SNTG2: variants seen among roughly 807,000 people sequenced by gnomAD.
The protein encoded by SNTG2 is gamma-2-syntrophin.
A neutral mutation model predicts 70.9 loss-of-function variants in SNTG2; 74 were observed. The ratio of observed to expected loss-of-function variants is 1.04; its 90% CI spans 0.86 to 1.27. The LOEUF (loss-of-function observed/expected upper bound fraction) is 1.27. SNTG2 is among the 50% of genes most tolerant of loss of function. SNTG2 has a pLI of 0.00. For synonymous variants in SNTG2, 278 were observed against 273.8 expected (o/e 1.02, Z -0.15); for missense variants, 717 against 690.7 (o/e 1.04, Z -0.43).
chr2:1,203,562 G>A (rs74635075), intron 8 of SNTG2, among the ~76,000 whole-genome samples: 6,959 of 151,536 alleles, frequency 0.046, 272 homozygotes, highest in East Asian at 0.21. Context: ...GCTGGGGCAC[G>A]AGAATTGTTT....
At chr2:1,242,491 T>C (rs1677116077) in intron 11 of SNTG2, among the ~76,000 whole-genome samples, 1 of 152,294 alleles carries the variant, frequency 6.6e-6, no homozygotes, top group South Asian at 2.1e-4. Context: ...CCAAATAATT[T>C]ATCATACAAA....
At chr2:1,170,869 T>G (rs28693991) in intron 7 of SNTG2, among the ~76,000 whole-genome samples, 48,179 of 151,766 alleles carry the variant, frequency 0.32, 8,170 homozygotes, top group East Asian at 0.65. Context: ...GGATGCCGAC[T>G]ACTGGAATTG....
chr2:1,052,181 C>T (rs1662115570), intron 1 of SNTG2, among the ~76,000 whole-genome samples: 1 of 151,860 alleles, frequency 6.6e-6, no homozygotes, highest in Non-Finnish European at 1.5e-5. Context: ...TTTTTCTATT[C>T]TGTGGAAAAG....
At chr2:952,702 G>C (rs1434600884) in intron 1 of SNTG2, among the ~76,000 whole-genome samples, 1 of 152,140 alleles carries the variant, frequency 6.6e-6, no homozygotes, top group Non-Finnish European at 1.5e-5. Flanking sequence ...ACAATAAGAT[G>C]GAGCATTTTA....
intron 9 of SNTG2, among the ~76,000 whole-genome samples, chr2:1,215,416 G>A (rs543255014): frequency 2.0e-5 from 3 of 152,156 alleles, no homozygotes; most frequent in Admixed American, 6.5e-5. Context: ...TATTATTACT[G>A]ATTTGATCTC....
chr2:1,113,475 C>T (rs927133130), intron 4 of SNTG2, among the ~76,000 whole-genome samples: 1 of 151,508 alleles, frequency 6.6e-6, no homozygotes, highest in Non-Finnish European at 1.5e-5. Context: ...TGAGAAGGGT[C>T]GTGTGTACTA....
chr2:1,042,661 G>A (rs1351758765), intron 1 of SNTG2, among the ~76,000 whole-genome samples: 1 of 152,158 alleles, frequency 6.6e-6, no homozygotes, highest in African/African-American at 2.4e-5. Flanking sequence ...TTAGGATAAT[G>A]GCCTCCAGCT....
intron 1 of SNTG2, among the ~76,000 whole-genome samples, chr2:968,626 A>G (rs1434368139): frequency 6.6e-6 from 1 of 152,150 alleles, no homozygotes; most frequent in African/African-American, 2.4e-5. Flanking sequence ...TATTACCTAT[A>G]GAGTGGTGCT....
chr2:992,139 A>T (rs1286889754), intron 1 of SNTG2, among the ~76,000 whole-genome samples: 2 of 152,204 alleles, frequency 1.3e-5, no homozygotes, highest in African/African-American at 4.8e-5. Context: ...AACATATTTT[A>T]TATAAATTAT....
At chr2:1,289,419 C>T (rs1679898839) in intron 14 of SNTG2, among the ~76,000 whole-genome samples, 1 of 152,190 alleles carries the variant, frequency 6.6e-6, no homozygotes, top group African/African-American at 2.4e-5. Context: ...CTGACTGCCC[C>T]TTCCTCCGTC....
At chr2:1,044,587 T>A (rs571228815) in intron 1 of SNTG2, among the ~76,000 whole-genome samples, 2 of 152,362 alleles carry the variant, frequency 1.3e-5, no homozygotes, top group South Asian at 4.1e-4. Flanking sequence ...TGTTGAGGGT[T>A]TTTAAAATGC....
At chr2:985,859 A>G (rs1661295557) in intron 1 of SNTG2, among the ~76,000 whole-genome samples, 1 of 152,112 alleles carries the variant, frequency 6.6e-6, no homozygotes, top group Non-Finnish European at 1.5e-5. Flanking sequence ...TGCAAGAATG[A>G]TTAATATTGA....
intron 2 of SNTG2, 26 bp from the exon 3 acceptor site, chr2:1,098,170 G>A (rs762775850): frequency 6.2e-7 from 1 of 1,611,134 alleles, no homozygotes; most frequent in Non-Finnish European, 8.5e-7. Flanking sequence ...ACCTAAACTT[G>A]GTTTGTTTTC....
intron 16 of SNTG2, among the ~76,000 whole-genome samples, chr2:1,358,900 T>C (rs1441204915): frequency 6.6e-6 from 1 of 152,162 alleles, no homozygotes; most frequent in Admixed American, 6.5e-5. Flanking sequence ...TTCTTCTATC[T>C]GGTTGATCTA....
intron 16 of SNTG2, among the ~76,000 whole-genome samples, chr2:1,359,758 T>C (rs9326178): frequency 0.72 from 109,400 of 151,714 alleles, 39,723 homozygotes; most frequent in East Asian, 0.94. Flanking sequence ...AAATTGCGAA[T>C]TTCTATTTAG....
chr2:1,065,589 AT>A (rs1663097507), intron 1 of SNTG2, among the ~76,000 whole-genome samples: 1 of 152,208 alleles, frequency 6.6e-6, no homozygotes, highest in Non-Finnish European at 1.5e-5. Context: ...AAATATTCAA[AT>A]TATTTTCAAA....
At chr2:1,116,387 C>T (rs946734384) in intron 4 of SNTG2, among the ~76,000 whole-genome samples, 4 of 152,158 alleles carry the variant, frequency 2.6e-5, no homozygotes, top group Non-Finnish European at 4.4e-5. Flanking sequence ...GGCTGCTCAC[C>T]CGTGGCCCTG....
chr2:1,065,899 T>C (rs1341926041), intron 1 of SNTG2, among the ~76,000 whole-genome samples: 1 of 152,230 alleles, frequency 6.6e-6, no homozygotes, highest in East Asian at 1.9e-4. Flanking sequence ...TGGTGGTTTT[T>C]GTTGCCAAAT....
intron 14 of SNTG2, among the ~76,000 whole-genome samples, chr2:1,293,842 T>G (rs1680090066): frequency 6.6e-6 from 1 of 152,184 alleles, no homozygotes; most frequent in South Asian, 2.1e-4. Context: ...TTTTGTGCAC[T>G]TACTAGGAGT....
Sources: allele counts gnomAD v4.1 joint callset (sites outside exome capture counted in the v4.1 genomes callset), GRCh38; gene constraint gnomAD v4.1.1; transcripts MANE v1.5; gene names NCBI Gene and HGNC (gene_info 2026-07-23, HGNC 2026-07-21).